ARL17A: variants seen among roughly 807,000 people sequenced by gnomAD.
ARL17A encodes the protein ADP-ribosylation factor-like 17-like.
chr17:46,502,645 CT>C, the ARL17A span, among the ~76,000 whole-genome samples: 4 of 151,254 alleles, frequency 2.6e-5, no homozygotes, highest in Non-Finnish European at 2.9e-5. Context: ...TAGTTGCTGT[CT>C]TTTTTGCTTT....
intron 4 of ARL17A, among the ~76,000 whole-genome samples, chr17:46,537,077 ATTTTTTTTTTTTT>A (rs766255014): frequency 0.019 from 659 of 34,800 alleles, 66 homozygotes; most frequent in African/African-American, 0.11. Flanking sequence ...ATTGTGGTCA[ATTTTTTTTTTTTT>A]TTTTTTTTTT....
At chr17:46,534,216 T>TA (rs1491226425) in intron 4 of ARL17A, among the ~76,000 whole-genome samples, 1 of 148,740 alleles carries the variant, frequency 6.7e-6, no homozygotes, top group Non-Finnish European at 1.5e-5. Flanking sequence ...AATTTTTTTT[T>TA]ATTGATCATT....
At chr17:46,542,221 A>AT (rs1230987875) in intron 3 of ARL17A, among the ~76,000 whole-genome samples, 1 of 139,474 alleles carries the variant, frequency 7.2e-6, no homozygotes, top group Non-Finnish European at 1.5e-5. Flanking sequence ...ATGGCTTGTG[A>AT]TTTTTTGTTT....
intron 3 of ARL17A, among the ~76,000 whole-genome samples, chr17:46,542,546 T>C (rs1245246152): frequency 6.7e-6 from 1 of 148,400 alleles, no homozygotes; most frequent in African/African-American, 2.6e-5. Context: ...TATATATAAA[T>C]CAGCCAGGTG....
At chr17:46,548,406 A>G (rs1228112572), downstream of ARL17A, 5 of 691,650 alleles carry the variant, frequency 7.2e-6, no homozygotes, top group South Asian at 7.8e-5. Context: ...TTGTTGAGCC[A>G]GAGGAGCCCT....
chr17:46,528,751 C>T (rs1167603924), exon 5 of ARL17A: 1 of 668,522 alleles, frequency 1.5e-6, no homozygotes, highest in African/African-American at 2.0e-5. Flanking sequence ...AGGAAAAAGG[C>T]TCACCATTTC....
In ARL17A at chr17:46,542,804, G is replaced by T. The variant is rs575947247; in HGVS notation, c.260-4378C>A. 7.3e-5 allele frequency among the ~76,000 whole-genome samples: 11 copies of T among 150,722 alleles called. No individual in the cohort carries two copies. In the East Asian group the frequency reaches 1.4e-3, roughly 19 times the overall value. On this transcript the variant is annotated intron_variant, in intron 3 of 4. Transcript: ENST00000329240. ...TACTGCAACTTCAATTGTGCCACCA[G>T]CCCCCACAATATGGCAAGCTAAATA...
At chr17:46,541,345 A>C (rs1416092942) in intron 3 of ARL17A, among the ~76,000 whole-genome samples, 3 of 149,160 alleles carry the variant, frequency 2.0e-5, no homozygotes, top group Admixed American at 6.6e-5. Context: ...TCCACCTCCC[A>C]GGTTCAAGTG....
the ARL17A span, among the ~76,000 whole-genome samples, chr17:46,501,292 C>T: frequency 2.0e-5 from 3 of 151,140 alleles, no homozygotes; most frequent in Admixed American, 2.0e-4. Context: ...TCTCCTGCCT[C>T]AGCCTCCTGA....
At chr17:46,528,716 C>G (rs1339921760), downstream of ARL17A, 11 of 659,464 alleles carry the variant, frequency 1.7e-5, no homozygotes, top group East Asian at 3.1e-4. Flanking sequence ...CAGAGTGAGA[C>G]TTCATCTCAA....
chr17:46,543,536 A>T (rs1329958077), intron 3 of ARL17A, among the ~76,000 whole-genome samples: 2 of 151,020 alleles, frequency 1.3e-5, no homozygotes, highest in South Asian at 4.1e-4. Flanking sequence ...AGTTCCATTG[A>T]GTGATGATAG....
chr17:46,503,223 AAAAT>A, the ARL17A span, among the ~76,000 whole-genome samples: 1 of 131,566 alleles, frequency 7.6e-6, no homozygotes, highest in South Asian at 2.5e-4. Flanking sequence ...AAAAAAAAAA[AAAAT>A]AGTCTTCATT....
At chr17:46,520,688 GAAAC>G (rs1227220557) in intron 3 of ARL17A, among the ~76,000 whole-genome samples, 4 of 27,912 alleles carry the variant, frequency 1.4e-4, no homozygotes, top group African/African-American at 4.4e-4. Flanking sequence ...AAAAAGAAAA[GAAAC>G]AAAGAAATAT....
chr17:46,575,429 G>T (rs2146069981), intron 2 of ARL17A, among the ~76,000 whole-genome samples: 2 of 151,588 alleles, frequency 1.3e-5, no homozygotes, highest in East Asian at 3.9e-4. Flanking sequence ...AGCGTACTTG[G>T]TGTAGAGATG....
At position 46,537,077 on chromosome 17, in the gene ARL17A, ATTTTTTTTTTTTTT is replaced by A. The variant is rs766255014; in HGVS notation, c.335+1260_335+1273del. ...GTTCTGAAAAAGTTTATTGTGGTCA[ATTTTTTTTTTTTTT>A]TTTTTTTTTTTTTTTGCTATTTTTT... On this transcript the variant is annotated intron_variant, in intron 4 of 4. Coordinates refer to the ARL17A transcript ENST00000329240. Among the ~76,000 whole-genome samples the A allele has an allele frequency of 3.7e-4, 13 of 34,816 alleles. No individual in the cohort carries two copies. The East Asian group carries it at 0.012, about 33-fold the overall frequency. 22.8% of individuals were successfully genotyped at this position (34,816 alleles called of 152,430 possible).
At chr17:46,543,513 A>G (rs1331280060) in intron 3 of ARL17A, among the ~76,000 whole-genome samples, 3 of 150,958 alleles carry the variant, frequency 2.0e-5, no homozygotes, top group Non-Finnish European at 4.4e-5. Context: ...CATAGTAGAC[A>G]ATGATAATAT....
intron 4 of ARL17A, among the ~76,000 whole-genome samples, chr17:46,534,549 G>T (rs1350149425): frequency 6.8e-6 from 1 of 147,820 alleles, no homozygotes; most frequent in Non-Finnish European, 1.5e-5. Flanking sequence ...CAAGGCAGAA[G>T]AATTTTTCTT....
chr17:46,528,626 A>G (rs2145113426), downstream of ARL17A: 1 of 503,674 alleles, frequency 2.0e-6, no homozygotes, highest in South Asian at 2.1e-5. Flanking sequence ...AGGCTGAGGC[A>G]GGAGAATCAC....
At chr17:46,529,144 T>G (rs1194265445) in intron 4 of ARL17A, among the ~76,000 whole-genome samples, 1 of 135,788 alleles carries the variant, frequency 7.4e-6, no homozygotes, top group African/African-American at 2.7e-5. Flanking sequence ...CCTCAGTTAA[T>G]AGAAAGGAAA....
Sources: gnomAD v4.1 joint callset for allele counts (sites outside exome capture counted in the v4.1 genomes callset) on GRCh38, gnomAD v4.1.1 for gene constraint, MANE v1.5 for transcripts, NCBI Gene and HGNC (gene_info 2026-07-23, HGNC 2026-07-21) for gene names.